The following RAP1GDS1 variants were observed in gnomAD, a reference collection of about 807,000 sequenced individuals.
RAP1GDS1 encodes the protein RAP1, GTP-GDP dissociation stimulator 1.
A neutral mutation model predicts 71.1 loss-of-function variants in RAP1GDS1; 35 were observed. The observed-to-expected ratio is 0.49, with a 90% CI of 0.38 to 0.65. The LOEUF (loss-of-function observed/expected upper bound fraction) is 0.65. RAP1GDS1 is among the 30% of genes least tolerant of loss of function. The pLI, the probability that RAP1GDS1 is intolerant of heterozygous loss-of-function variation, is 0.00. For missense variants in RAP1GDS1, 663 were observed against 706.1 expected, an observed-to-expected ratio of 0.94 and a Z score of 0.69; for synonymous variants, 229 against 243.1, an observed-to-expected ratio of 0.94 and a Z score of 0.54.
intron 12 of RAP1GDS1, among the ~76,000 whole-genome samples, chr4:98,431,781 C>T (rs752192218): frequency 4.6e-5 from 7 of 152,186 alleles, no homozygotes; most frequent in Non-Finnish European, 1.0e-4. Context: ...ATAGTTATTG[C>T]TCCATAAAGG....
intron 12 of RAP1GDS1, among the ~76,000 whole-genome samples, chr4:98,427,453 TA>T (rs1388770599): frequency 5.9e-5 from 9 of 152,078 alleles, no homozygotes; most frequent in African/African-American, 2.2e-4. Flanking sequence ...TATGACTGTA[TA>T]CCTAGAAAAC....
intron 12 of RAP1GDS1, among the ~76,000 whole-genome samples, chr4:98,426,324 C>T (rs1749609642): frequency 6.6e-6 from 1 of 151,870 alleles, no homozygotes; most frequent in Non-Finnish European, 1.5e-5. Flanking sequence ...ACTAGAGAAA[C>T]AAGAACAAAC....
intron 1 of RAP1GDS1, among the ~76,000 whole-genome samples, chr4:98,268,011 TTTTG>T (rs1411067799): frequency 4.6e-5 from 7 of 152,274 alleles, no homozygotes; most frequent in African/African-American, 9.6e-5. Flanking sequence ...AGCATCTGTT[TTTTG>T]TTTGTTTGTT....
intron 4 of RAP1GDS1, among the ~76,000 whole-genome samples, chr4:98,366,558 CAGA>C (rs907223949): frequency 2.0e-5 from 3 of 152,050 alleles, no homozygotes; most frequent in Non-Finnish European, 2.9e-5. Context: ...TTAGAGGGCT[CAGA>C]AGAAGACAGG....
chr4:98,354,130 T>G (rs1219015717), intron 4 of RAP1GDS1, among the ~76,000 whole-genome samples: 1 of 149,100 alleles, frequency 6.7e-6, no homozygotes. Context: ...TGGCGCAATC[T>G]CGGCTCACTG....
intron 2 of RAP1GDS1, among the ~76,000 whole-genome samples, chr4:98,318,079 G>C (rs1226777753): frequency 6.6e-6 from 1 of 152,118 alleles, no homozygotes; most frequent in Non-Finnish European, 1.5e-5. Flanking sequence ...CTGATCTCAA[G>C]TGATTTGCCC....
intron 6 of RAP1GDS1, among the ~76,000 whole-genome samples, chr4:98,393,209 A>T (rs141517054): frequency 1.5e-3 from 236 of 152,266 alleles, no homozygotes; most frequent in African/African-American, 5.5e-3. Flanking sequence ...TTCTAACTGA[A>T]AGCTCATCTT....
chr4:98,362,306 C>T, intron 4 of RAP1GDS1, among the ~76,000 whole-genome samples: 1 of 152,172 alleles, frequency 6.6e-6, no homozygotes, highest in Admixed American at 6.5e-5. Flanking sequence ...ATAGCAAGAT[C>T]GCATCTCTAC....
rs543691678 is a variant in RAP1GDS1, at chr4:98,316,479, GC to G, written c.112+22966del. On this transcript the variant is annotated intron_variant, in intron 2 of 14. Coordinates refer to ENST00000408927, the MANE Select transcript of RAP1GDS1 (RefSeq NM_001100427.2). ...AATTATTAAAGTCAGGGAGTGTGAG[GC>G]CAAGTTATTAACCACTGTATGTAGA... 1.1e-3 allele frequency among the ~76,000 whole-genome samples: 172 copies of G among 152,138 alleles called. 1 individual carries two copies. The South Asian group carries it at 0.018, about 16-fold the overall frequency.
intron 4 of RAP1GDS1, among the ~76,000 whole-genome samples, chr4:98,365,441 C>T (rs1390253766): frequency 6.7e-6 from 1 of 149,570 alleles, no homozygotes; most frequent in Admixed American, 6.7e-5. Context: ...ATGGCGGAAC[C>T]CCCTATCCCC....
chr4:98,300,293 G>A (rs953118618), intron 2 of RAP1GDS1, among the ~76,000 whole-genome samples: 6 of 152,182 alleles, frequency 3.9e-5, no homozygotes, highest in African/African-American at 1.4e-4. Flanking sequence ...TCAGATGATC[G>A]CTAGCATCTT....
intron 2 of RAP1GDS1, among the ~76,000 whole-genome samples, chr4:98,306,856 A>G (rs1729402442): frequency 6.6e-6 from 1 of 152,150 alleles, no homozygotes; most frequent in Non-Finnish European, 1.5e-5. Context: ...TACATCGTCT[A>G]AATGCTTTCA....
At position 98,421,403 on chromosome 4, in the gene RAP1GDS1, C is replaced by T; in HGVS notation, c.1440+9C>T. On this transcript the variant is annotated intron_variant, in intron 12 of 14. Coordinates refer to ENST00000408927, the MANE Select transcript of RAP1GDS1 (RefSeq NM_001100427.2). ...GACACAGTAAATCAAAAGTAAGTTCCAGAGGAAACTGTTCACTAGAAAACT... is the reference window on the plus strand; with the variant it reads ...GACACAGTAAATCAAAAGTAAGTTCTAGAGGAAACTGTTCACTAGAAAACT... 6.3e-7 allele frequency: 1 copy of T among 1,584,666 alleles called. No homozygotes were observed. The highest frequency in any genetic ancestry group is 8.6e-7 in the Non-Finnish European group (1 of 1,166,624).
At chr4:98,404,637 C>A in intron 7 of RAP1GDS1, 35 bp downstream of exon 7, 1 of 1,584,518 alleles carries the variant, frequency 6.3e-7, no homozygotes, top group Non-Finnish European at 8.6e-7. Flanking sequence ...GATTTTTGAT[C>A]ATGTATGCTT....
chr4:98,346,550 G>T (rs1462435475), intron 3 of RAP1GDS1, among the ~76,000 whole-genome samples: 1 of 151,708 alleles, frequency 6.6e-6, no homozygotes, highest in Admixed American at 6.6e-5. Context: ...TTGTAAGAAT[G>T]ATTATTTATT....
chr4:98,405,245 CTA>C (rs967194865), intron 7 of RAP1GDS1, among the ~76,000 whole-genome samples: 8 of 151,956 alleles, frequency 5.3e-5, no homozygotes, highest in African/African-American at 1.7e-4. Context: ...AAACTAAAAA[CTA>C]TTTTTAAAAA....
intron 6 of RAP1GDS1, among the ~76,000 whole-genome samples, chr4:98,395,418 T>A (rs888881660): frequency 1.3e-5 from 2 of 152,214 alleles, no homozygotes; most frequent in Non-Finnish European, 2.9e-5. Flanking sequence ...ACTGATGTTT[T>A]AAAGTTTCCA....
At chr4:98,272,017 A>G (rs1365771523) in intron 1 of RAP1GDS1, among the ~76,000 whole-genome samples, 4 of 152,156 alleles carry the variant, frequency 2.6e-5, no homozygotes, top group Non-Finnish European at 5.9e-5. Context: ...GGGTGGGCTG[A>G]GAATTTGCAT....
intron 7 of RAP1GDS1, among the ~76,000 whole-genome samples, chr4:98,413,561 A>G (rs992118093): frequency 6.6e-6 from 1 of 151,966 alleles, no homozygotes; most frequent in Non-Finnish European, 1.5e-5. Context: ...ATCATTTTTT[A>G]TGGCTGCATA....
Sources: gnomAD v4.1 joint callset for allele counts (sites outside exome capture counted in the v4.1 genomes callset) on GRCh38, gnomAD v4.1.1 for gene constraint, MANE v1.5 for transcripts, NCBI Gene and HGNC (gene_info 2026-07-23, HGNC 2026-07-21) for gene names.